The following KCNIP1 variants were observed in gnomAD, a reference collection of about 807,000 sequenced individuals.
KCNIP1 encodes potassium voltage-gated channel interacting protein 1, also known as A-type potassium channel modulatory protein KCNIP1.
A neutral mutation model predicts 33.0 loss-of-function variants in KCNIP1; 18 were observed. The ratio of observed to expected loss-of-function variants is 0.55; its 90% CI spans 0.38 to 0.81. The LOEUF (loss-of-function observed/expected upper bound fraction) is 0.81, where lower values mean the gene tolerates loss of function less well. Ranked by LOEUF, KCNIP1 falls within the 30% of genes least tolerant of loss-of-function variation. KCNIP1 has a pLI of 0.00. For missense variants in KCNIP1, 238 were observed against 271.6 expected, an observed-to-expected ratio of 0.88 and a Z score of 0.87; for synonymous variants, 93 against 98.3, an observed-to-expected ratio of 0.95 and a Z score of 0.32.
intron 1 of KCNIP1, among the ~76,000 whole-genome samples, chr5:170,539,711 A>G (rs1756125621): frequency 6.6e-6 from 1 of 152,176 alleles, no homozygotes; most frequent in Non-Finnish European, 1.5e-5. Context: ...CTGCCTGTTC[A>G]CCATTGTCTC....
intron 1 of KCNIP1, among the ~76,000 whole-genome samples, chr5:170,458,873 G>T (rs1186378679): frequency 6.6e-6 from 1 of 152,100 alleles, no homozygotes; most frequent in Non-Finnish European, 1.5e-5. Flanking sequence ...TACTAACATT[G>T]AATGTAAATG....
At chr5:170,641,095 A>G (rs1316428216) in intron 1 of KCNIP1, among the ~76,000 whole-genome samples, 1 of 152,006 alleles carries the variant, frequency 6.6e-6, no homozygotes, top group East Asian at 1.9e-4. Context: ...GGCGGTCCCC[A>G]CCTCTCAACA....
At chr5:170,411,769 G>A (rs76019446) in intron 1 of KCNIP1, among the ~76,000 whole-genome samples, 1 of 152,172 alleles carries the variant, frequency 6.6e-6, no homozygotes, top group African/African-American at 2.4e-5. Flanking sequence ...TCTAGCTGGA[G>A]AGATGAAACA....
rs375813907 is a variant in KCNIP1, at chr5:170,712,820, C to T, written c.62-5938C>T. 9.9e-6 allele frequency: 16 copies of T among 1,609,666 alleles called. No individual in the cohort carries two copies. In the African/African-American group the frequency reaches 1.5e-4, roughly 15 times the overall value. On this transcript the variant is annotated intron_variant, in intron 1 of 7. Coordinates refer to ENST00000328939, the MANE Select transcript of KCNIP1 (RefSeq NM_014592.4). ...AAGTGTGTTTTGCTTTTCGATGAATCGATTTGGTAAAATGTTTTCTCACTC... is the reference window on the plus strand; with the variant it reads ...AAGTGTGTTTTGCTTTTCGATGAATTGATTTGGTAAAATGTTTTCTCACTC...
At chr5:170,518,331 T>C (rs981728389) in intron 1 of KCNIP1, among the ~76,000 whole-genome samples, 5 of 152,250 alleles carry the variant, frequency 3.3e-5, no homozygotes, top group African/African-American at 9.6e-5. Context: ...TTCCCCCAGG[T>C]GTATTTGTCA....
chr5:170,373,794 A>G (rs1763913956), intron 1 of KCNIP1, among the ~76,000 whole-genome samples: 2 of 152,340 alleles, frequency 1.3e-5, no homozygotes, highest in East Asian at 1.9e-4. Context: ...GAGAATGAAA[A>G]TGAAAAAGGC....
intron 1 of KCNIP1, among the ~76,000 whole-genome samples, chr5:170,488,805 G>C (rs1188886248): frequency 6.6e-6 from 1 of 152,186 alleles, no homozygotes; most frequent in African/African-American, 2.4e-5. Context: ...TGTGTGCTGG[G>C]GGGAGCATCC....
chr5:170,496,612 C>A (rs1338916789), intron 1 of KCNIP1, among the ~76,000 whole-genome samples: 1 of 152,202 alleles, frequency 6.6e-6, no homozygotes, highest in Non-Finnish European at 1.5e-5. Flanking sequence ...TATTCTATCA[C>A]CTCAGGAGAC....
chr5:170,598,898 T>C (rs1351177681), intron 1 of KCNIP1, among the ~76,000 whole-genome samples: 9 of 114,160 alleles, frequency 7.9e-5, no homozygotes, highest in Admixed American at 2.5e-4. Context: ...GCTGTGTGTG[T>C]GTGCGCGTGT....
chr5:170,618,222 G>A (rs1289924260), intron 1 of KCNIP1, among the ~76,000 whole-genome samples: 1 of 151,882 alleles, frequency 6.6e-6, no homozygotes, highest in Non-Finnish European at 1.5e-5. Flanking sequence ...AAAAACCCTG[G>A]GTTGGCTGCA....
intron 1 of KCNIP1, among the ~76,000 whole-genome samples, chr5:170,549,419 A>G (rs1244550625): frequency 2.0e-5 from 3 of 152,204 alleles, no homozygotes; most frequent in Non-Finnish European, 2.9e-5. Flanking sequence ...TATAGTGTAC[A>G]TTGTACCCAA....
At chr5:170,691,082 C>A (rs74692898) in intron 1 of KCNIP1, among the ~76,000 whole-genome samples, 3 of 152,216 alleles carry the variant, frequency 2.0e-5, no homozygotes, top group South Asian at 4.1e-4. Flanking sequence ...AGAAGGGATG[C>A]GACCTAGCCA....
chr5:170,584,407 A>C (rs1177597879), intron 1 of KCNIP1, among the ~76,000 whole-genome samples: 1 of 152,216 alleles, frequency 6.6e-6, no homozygotes, highest in Non-Finnish European at 1.5e-5. Flanking sequence ...CAGGCTGGAC[A>C]GTAAGAGATA....
chr5:170,635,901 G>A (rs752313882), intron 1 of KCNIP1, among the ~76,000 whole-genome samples: 2 of 152,218 alleles, frequency 1.3e-5, no homozygotes, highest in Non-Finnish European at 2.9e-5. Flanking sequence ...GACACAGGCC[G>A]GGAGGTGCAG....
chr5:170,504,854 T>G lies in KCNIP1; in HGVS notation c.61+221T>G, dbSNP rs1031425618. Among the ~76,000 whole-genome samples the G allele has an allele frequency of 8.5e-5, 13 of 152,142 alleles. No homozygotes were observed. Among genetic ancestry groups the G allele is most frequent in the Non-Finnish European group, 1.9e-4 (13 of 68,010 alleles). On this transcript the variant is annotated intron_variant, in intron 1 of 7. Transcript: ENST00000328939. This position sits in a 1 kb window ranked among gnomAD's most constrained non-coding sequence, Gnocchi z 6.0. ...TCTGCCCCAGCGGCAACTGGACCCC[T>G]CTGGGGCACCAGGTGTCGGGACTCT... is the stretch of plus-strand genomic sequence containing the variant.
intron 1 of KCNIP1, among the ~76,000 whole-genome samples, chr5:170,657,682 G>C (rs573551105): frequency 4.6e-5 from 7 of 152,186 alleles, no homozygotes; most frequent in Non-Finnish European, 1.0e-4. Context: ...TGGTTAAAAA[G>C]AGTGAGACAG....
intron 2 of KCNIP1, 36 bp downstream of exon 2, chr5:170,718,918 G>T (rs950075007): frequency 6.3e-7 from 1 of 1,591,454 alleles, no homozygotes; most frequent in Non-Finnish European, 8.5e-7. Flanking sequence ...CCTGGGGGGG[G>T]TTCCCACGTG....
At position 170,356,642 on chromosome 5, in the gene KCNIP1, T is replaced by G. The variant is rs1034950651; in HGVS notation, c.88+2678T>G. Among the ~76,000 whole-genome samples, 5 of 152,364 alleles carry G rather than the reference T, an allele frequency of 3.3e-5. No homozygotes were observed. In the East Asian group the frequency reaches 7.7e-4, roughly 23 times the overall value. On this transcript the variant is annotated intron_variant, in intron 1 of 7. Coordinates refer to the KCNIP1 transcript ENST00000377360. ...TTAGGAACATGTTTGCTAAAGGCTC[T>G]CTTCCCCACTAGACTTCAGCTCCAT... is the stretch of plus-strand genomic sequence containing the variant.
At chr5:170,563,617 G>A (rs553390624) in intron 1 of KCNIP1, among the ~76,000 whole-genome samples, 1 of 125,052 alleles carries the variant, frequency 8.0e-6, no homozygotes, top group South Asian at 2.9e-4. Context: ...GTATGTGCTA[G>A]TTTTAAGGTG....
Sources: allele counts gnomAD v4.1 joint callset (sites outside exome capture counted in the v4.1 genomes callset), GRCh38; gene constraint gnomAD v4.1.1; non-coding constraint Gnocchi (gnomAD v3.1); transcripts MANE v1.5; gene names NCBI Gene and HGNC (gene_info 2026-07-23, HGNC 2026-07-21).